Variants in ASIC2 observed in about 807,000 individuals in gnomAD.
ASIC2 encodes acid-sensing ion channel 2.
In ASIC2, 25 loss-of-function variants were observed where a neutral mutation model predicts 57.3. That is an observed-to-expected ratio of 0.44 (90% CI 0.32 to 0.61). The LOEUF (loss-of-function observed/expected upper bound fraction) is 0.61. Among genes scored for constraint, ASIC2 ranks in the 20% least tolerant of loss-of-function variants. The pLI is 0.06. For synonymous variants in ASIC2, 319 were observed against 307.5 expected, an observed-to-expected ratio of 1.04 and a Z score of -0.39; for missense variants, 641 against 738.1, an observed-to-expected ratio of 0.87 and a Z score of 1.52.
rs554739943 is a variant in ASIC2, at chr17:33,933,986, C to T, written c.555+221992G>A. Among the ~76,000 whole-genome samples the T allele has an allele frequency of 3.3e-5, 5 of 152,328 alleles. No individual in the cohort carries two copies. The South Asian group carries it at 6.2e-4, about 19-fold the overall frequency. On this transcript the variant is annotated intron_variant, in intron 1 of 9. Transcript: ENST00000359872. The stretch of plus-strand genomic sequence containing the variant: ...TTTCTGTTCACTTTAATCAACAGAA[C>T]GTATTTGATTCTTTCGGGTCAGCAG...
At chr17:34,077,025 G>A (rs1271983639) in intron 1 of ASIC2, among the ~76,000 whole-genome samples, 1 of 152,202 alleles carries the variant, frequency 6.6e-6, no homozygotes, top group Non-Finnish European at 1.5e-5. Context: ...ATATATTGCA[G>A]GTGATAACTA....
At chr17:33,869,077 A>G (rs1038702403) in intron 1 of ASIC2, among the ~76,000 whole-genome samples, 3 of 152,192 alleles carry the variant, frequency 2.0e-5, no homozygotes, top group African/African-American at 7.2e-5. Flanking sequence ...AAGAGAAAAC[A>G]AAACAAAGCA....
chr17:33,430,403 A>G (rs902371032), intron 1 of ASIC2, among the ~76,000 whole-genome samples: 1 of 152,198 alleles, frequency 6.6e-6, no homozygotes, highest in Non-Finnish European at 1.5e-5. Context: ...ATGCAGAATG[A>G]AGGAAATAAA....
At chr17:34,030,546 G>A (rs1907561726) in intron 1 of ASIC2, among the ~76,000 whole-genome samples, 1 of 152,236 alleles carries the variant, frequency 6.6e-6, no homozygotes, top group Admixed American at 6.5e-5. Flanking sequence ...GCGAGCTGAA[G>A]TAGGGCGAGG....
intron 1 of ASIC2, among the ~76,000 whole-genome samples, chr17:33,609,834 G>A (rs1435273852): frequency 6.6e-6 from 1 of 152,110 alleles, no homozygotes; most frequent in Admixed American, 6.5e-5. Context: ...AGTAGGAAAA[G>A]CAAGAAGGAT....
intron 1 of ASIC2, among the ~76,000 whole-genome samples, chr17:33,748,242 A>G (rs1279163733): frequency 1.3e-5 from 2 of 152,116 alleles, no homozygotes; most frequent in Non-Finnish European, 2.9e-5. Context: ...GATTCCTTGC[A>G]GCTTTCCCTG....
chr17:33,349,007 T>A (rs1908059234), intron 1 of ASIC2, among the ~76,000 whole-genome samples: 1 of 152,184 alleles, frequency 6.6e-6, no homozygotes, highest in Admixed American at 6.5e-5. Flanking sequence ...ATTCAGTAGC[T>A]CTGGGATTGA....
At chr17:33,466,687 C>T (rs148284732) in intron 1 of ASIC2, among the ~76,000 whole-genome samples, 20 of 152,098 alleles carry the variant, frequency 1.3e-4, no homozygotes, top group South Asian at 4.2e-4. Context: ...TCAGAAATAA[C>T]GCCACACATC....
At chr17:33,379,337 C>G (rs1909394591) in intron 1 of ASIC2, among the ~76,000 whole-genome samples, 1 of 152,212 alleles carries the variant, frequency 6.6e-6, no homozygotes, top group Admixed American at 6.5e-5. Context: ...CAGATAAACT[C>G]AGCAAGGAAA....
intron 3 of ASIC2, among the ~76,000 whole-genome samples, chr17:33,029,459 T>C (rs1162357747): frequency 6.6e-6 from 1 of 152,242 alleles, no homozygotes; most frequent in Non-Finnish European, 1.5e-5. Context: ...CACCAGGAGT[T>C]CTTTCCTTTT....
At chr17:33,628,401 C>G (rs1217120111) in intron 1 of ASIC2, among the ~76,000 whole-genome samples, 2 of 152,058 alleles carry the variant, frequency 1.3e-5, no homozygotes, top group African/African-American at 4.8e-5. Flanking sequence ...AAGTGATCCT[C>G]CCTTCTCAGC....
intron 1 of ASIC2, among the ~76,000 whole-genome samples, chr17:33,472,136 C>T (rs1466190871): frequency 1.3e-5 from 2 of 151,978 alleles, no homozygotes; most frequent in African/African-American, 4.8e-5. Context: ...TCTCCCACCT[C>T]AGCCTCCCAA....
intron 1 of ASIC2, among the ~76,000 whole-genome samples, chr17:33,894,346 C>CGT (rs1915038834): frequency 1.1e-5 from 1 of 87,324 alleles, no homozygotes; most frequent in African/African-American, 3.2e-5. Context: ...TGCGTGCGTG[C>CGT]GTGCGTGTGT....
chr17:33,207,363 T>C (rs1478104589), intron 1 of ASIC2, among the ~76,000 whole-genome samples: 1 of 152,274 alleles, frequency 6.6e-6, no homozygotes, highest in African/African-American at 2.4e-5. Context: ...ACTTGCTGAA[T>C]GATGATAATA....
At chr17:33,649,911 A>C (rs935036762) in intron 1 of ASIC2, among the ~76,000 whole-genome samples, 1 of 152,244 alleles carries the variant, frequency 6.6e-6, no homozygotes, top group Admixed American at 6.5e-5. Context: ...AAAACTATGA[A>C]ACGTAGAAAA....
intron 1 of ASIC2, among the ~76,000 whole-genome samples, chr17:33,629,564 C>T (rs1222222413): frequency 6.6e-6 from 1 of 152,136 alleles, no homozygotes; most frequent in Non-Finnish European, 1.5e-5. Context: ...AGGTGATTGG[C>T]TCTTGATTTG....
intron 1 of ASIC2, among the ~76,000 whole-genome samples, chr17:33,712,792 C>G (rs1909090647): frequency 6.6e-6 from 1 of 150,836 alleles, no homozygotes; most frequent in South Asian, 2.1e-4. Context: ...ACTACAGGCG[C>G]CCGCCACTAC....
intron 3 of ASIC2, among the ~76,000 whole-genome samples, chr17:33,057,338 T>G (rs1416450640): frequency 6.6e-6 from 1 of 152,210 alleles, no homozygotes; most frequent in Non-Finnish European, 1.5e-5. Context: ...CAAATATTAT[T>G]GTGGTAAGGA....
At chr17:33,137,304 C>T (rs113435755) in intron 1 of ASIC2, among the ~76,000 whole-genome samples, 4 of 152,164 alleles carry the variant, frequency 2.6e-5, no homozygotes, top group African/African-American at 9.7e-5. Flanking sequence ...TTATCAGAGG[C>T]TTTATTATGC....
Sources: allele counts gnomAD v4.1 joint callset (sites outside exome capture counted in the v4.1 genomes callset), GRCh38; gene constraint gnomAD v4.1.1; transcripts MANE v1.5; gene names NCBI Gene and HGNC (gene_info 2026-07-23, HGNC 2026-07-21).